Variants in XYLB observed in about 807,000 individuals in gnomAD.
XYLB encodes the protein xylulokinase.
XYLB carries 62 observed loss-of-function variants against 78.7 expected under a neutral mutation model. The observed-to-expected ratio is 0.79, with a 90% confidence interval of 0.64 to 0.97. XYLB has a LOEUF of 0.97. Among genes scored for constraint, XYLB ranks in the 50% least tolerant of loss-of-function variants. The probability of loss-of-function intolerance (pLI) is 0.00; values close to 1 mark genes in which losing one functional copy is unlikely to be tolerated. For missense variants in XYLB, 687 were observed against 676.8 expected (o/e 1.02, Z -0.17); for synonymous variants, 245 against 247.4 (o/e 0.99, Z 0.09).
At chr3:38,374,335 G>C (rs1288717725) in intron 10 of XYLB, 127 bp from the exon 11 acceptor site, 5 of 1,349,254 alleles carry the variant, frequency 3.7e-6, no homozygotes, top group African/African-American at 1.4e-5. Flanking sequence ...CCCTGCTCCT[G>C]CCTCCACCCT....
At chr3:38,441,247 T>TA in the XYLB span, among the ~76,000 whole-genome samples, 1 of 152,256 alleles carries the variant, frequency 6.6e-6, no homozygotes, top group East Asian at 1.9e-4. Flanking sequence ...GCATACTTGC[T>TA]ATCTATATAC....
intron 7 of XYLB, among the ~76,000 whole-genome samples, chr3:38,367,205 G>T (rs1228766511): frequency 6.6e-6 from 1 of 152,136 alleles, no homozygotes; most frequent in Non-Finnish European, 1.5e-5. Flanking sequence ...TTCCTATGTG[G>T]TTAACGCAGG....
At chr3:38,365,104 G>A (rs965239999) in intron 4 of XYLB, 95 bp from the exon 5 acceptor site, 176 of 1,143,046 alleles carry the variant, frequency 1.5e-4, no homozygotes, top group Non-Finnish European at 2.3e-4. Flanking sequence ...GTGGAGCCCA[G>A]TTCTTTGGCA....
At chr3:38,451,318 A>C in the XYLB span, 1 of 152,176 alleles carries the variant, frequency 6.6e-6, no homozygotes, top group African/African-American at 2.4e-5. Flanking sequence ...AGGAACTCGG[A>C]TAAAACAAGT....
At chr3:38,410,926 G>C (rs1363723172) in intron 18 of XYLB, among the ~76,000 whole-genome samples, 2 of 152,054 alleles carry the variant, frequency 1.3e-5, no homozygotes, top group African/African-American at 4.8e-5. Context: ...CTTTTACACT[G>C]TTGGTGGGAC....
At chr3:38,400,240 C>A (rs1196478177) in intron 17 of XYLB, among the ~76,000 whole-genome samples, 2 of 152,064 alleles carry the variant, frequency 1.3e-5, no homozygotes, top group Non-Finnish European at 2.9e-5. Flanking sequence ...ATAGTGGTGA[C>A]CCGGAGAGAC....
In XYLB at chr3:38,365,752, G is replaced by T. The variant is rs201439129; in HGVS notation, c.507+16G>T. 1.0e-5 allele frequency: 16 copies of T among 1,600,870 alleles called. No homozygotes were observed. The highest frequency in any genetic ancestry group is 8.5e-5 in the Admixed American group (5 of 58,588). On this transcript the variant is annotated intron_variant, in intron 6 of 18. Coordinates refer to ENST00000207870, the MANE Select transcript of XYLB (RefSeq NM_005108.4). The stretch of plus-strand genomic sequence containing the variant: ...TGCCTATGAGGTAGGCTGAGGATGC[G>T]GGGGGTGCAGGGGGTGGTCTGGTTG...
chr3:38,407,466 C>T (rs1229203305), intron 18 of XYLB, among the ~76,000 whole-genome samples: 1 of 152,174 alleles, frequency 6.6e-6, no homozygotes, highest in Non-Finnish European at 1.5e-5. Flanking sequence ...TAGGAAGAAA[C>T]TGCATCAACT....
chr3:38,418,194 CA>C (rs56163697), downstream of XYLB, among the ~76,000 whole-genome samples: 13,045 of 106,564 alleles, frequency 0.12, 421 homozygotes, highest in African/African-American at 0.22. Context: ...GACTCTGTCT[CA>C]AAAAAAAAAA....
intron 18 of XYLB, among the ~76,000 whole-genome samples, chr3:38,408,785 G>C (rs1470842431): frequency 5.9e-5 from 9 of 151,984 alleles, no homozygotes; most frequent in Admixed American, 2.0e-4. Flanking sequence ...AGAAAATCTA[G>C]AAGAAATGGA....
intron 15 of XYLB, among the ~76,000 whole-genome samples, chr3:38,384,251 A>G (rs1161656299): frequency 1.3e-5 from 2 of 152,078 alleles, no homozygotes; most frequent in Non-Finnish European, 2.9e-5. Flanking sequence ...TTTTTAGTAG[A>G]GACGGGGTTT....
intron 15 of XYLB, among the ~76,000 whole-genome samples, chr3:38,391,568 T>G (rs1336569654): frequency 6.6e-6 from 1 of 152,240 alleles, no homozygotes; most frequent in African/African-American, 2.4e-5. Flanking sequence ...TACTGTGATA[T>G]TCCATCACAT....
At chr3:38,412,914 A>G in intron 18 of XYLB, 22 bp from the exon 19 acceptor site, 2 of 1,598,978 alleles carry the variant, frequency 1.3e-6, no homozygotes, top group South Asian at 1.1e-5. Flanking sequence ...TCTGTTCTAA[A>G]CTGCTTTTTC....
chr3:38,437,757 A>G, the XYLB span, among the ~76,000 whole-genome samples: 1 of 152,068 alleles, frequency 6.6e-6, no homozygotes, highest in African/African-American at 2.4e-5. Flanking sequence ...CAGCCTGGGC[A>G]ACATAGTGAG....
At chr3:38,355,065 C>A (rs962866805) in intron 2 of XYLB, among the ~76,000 whole-genome samples, 2 of 152,244 alleles carry the variant, frequency 1.3e-5, no homozygotes. Flanking sequence ...TTCCTCCCAT[C>A]AAGGAGTCGT....
chr3:38,351,887 A>T (rs1351431012), intron 2 of XYLB, among the ~76,000 whole-genome samples: 1 of 152,218 alleles, frequency 6.6e-6, no homozygotes, highest in Non-Finnish European at 1.5e-5. Context: ...TCATTGTATG[A>T]TGTTGTATGG....
intron 10 of XYLB, among the ~76,000 whole-genome samples, chr3:38,373,353 T>C (rs1177895711): frequency 6.6e-6 from 1 of 152,220 alleles, no homozygotes. Flanking sequence ...TAAGTCTTTT[T>C]CTAACGATCC....
At chr3:38,410,229 G>A (rs903041762) in intron 18 of XYLB, among the ~76,000 whole-genome samples, 11 of 152,186 alleles carry the variant, frequency 7.2e-5, no homozygotes, top group Admixed American at 1.3e-4. Flanking sequence ...AAATAATGCT[G>A]CATATCTACA....
At chr3:38,398,008 A>T (rs555923139) in intron 17 of XYLB, among the ~76,000 whole-genome samples, 197 of 150,532 alleles carry the variant, frequency 1.3e-3, no homozygotes, top group African/African-American at 3.4e-3. Context: ...TTAGTAGAGG[A>T]GGGGTTTCAC....
Sources: allele counts gnomAD v4.1 joint callset (sites outside exome capture counted in the v4.1 genomes callset), GRCh38; gene constraint gnomAD v4.1.1; transcripts MANE v1.5; gene names NCBI Gene and HGNC (gene_info 2026-07-23, HGNC 2026-07-21).